Variants in EXD2 observed in about 807,000 individuals in gnomAD.
The protein encoded by EXD2 is exonuclease 3'-5' domain-containing protein 2.
Under a neutral mutation model 62.5 loss-of-function variants are expected in EXD2, and 40 were observed. The ratio of observed to expected loss-of-function variants is 0.64; its 90% CI spans 0.50 to 0.83. The LOEUF (loss-of-function observed/expected upper bound fraction) is 0.83. EXD2 is among the 40% of genes least tolerant of loss of function. The pLI, the probability that EXD2 is intolerant of heterozygous loss-of-function variation, is 0.00. For missense variants in EXD2, 671 were observed against 761.8 expected (o/e 0.88, Z 1.40); for synonymous variants, 239 against 291.9 (o/e 0.82, Z 1.85).
rs1192097749 is a variant in EXD2, at chr14:69,236,536, A to G, written c.1286A>G (p.Tyr429Cys). ...GTAGTGTGTGGCAAGAGAGACTCCT[A>G]CATTCGGTGAGTGCAGCATTGGGCC... ...LCVVCGKRDS[Y>C]IRKNVIPHEY... Residue 429 changes from tyrosine (Y) to cysteine (C), a missense_variant, in exon 8 of 10, where the codon TAC becomes TGC. By Grantham distance (194) the Tyr-to-Cys change is radical. Coordinates refer to ENST00000685843, the MANE Select transcript of EXD2 (RefSeq NM_001193360.2). The G allele has an allele frequency of 6.8e-6, 11 of 1,614,026 alleles. No individual in the cohort carries two copies. Among genetic ancestry groups the G allele is most frequent in the Admixed American group, 1.7e-5 (1 of 60,000 alleles).
At chr14:69,217,457 T>C (rs1471922068) in intron 3 of EXD2, among the ~76,000 whole-genome samples, 3 of 152,234 alleles carry the variant, frequency 2.0e-5, no homozygotes, top group African/African-American at 7.2e-5. Flanking sequence ...GGTTTAGCCA[T>C]GTTGTCACAA....
chr14:69,207,615 T>C lies in EXD2; in HGVS notation c.-47-1809T>C, dbSNP rs185432992. The stretch of plus-strand genomic sequence containing the variant: ...CAGGGTGCAGCTGATTGCTCTGTCT[T>C]TGGGCAATTTAGCTTTTAGGCCAGA... On this transcript the variant is annotated intron_variant, in intron 2 of 9. Transcript: ENST00000685843. Among the ~76,000 whole-genome samples, 229 of 152,354 alleles carry C rather than the reference T, an allele frequency of 1.5e-3. 1 individual carries two copies. The highest frequency in any genetic ancestry group is 3.4e-3 in the Middle Eastern group (1 of 294).
intron 1 of EXD2, among the ~76,000 whole-genome samples, chr14:69,202,306 G>A (rs565144223): frequency 2.0e-5 from 3 of 152,218 alleles, no homozygotes; most frequent in African/African-American, 7.2e-5. Flanking sequence ...GAACCCAAGA[G>A]GTCAAGGGTG....
At chr14:69,233,489 C>T (rs929902929) in intron 5 of EXD2, among the ~76,000 whole-genome samples, 3 of 151,818 alleles carry the variant, frequency 2.0e-5, no homozygotes, top group Non-Finnish European at 1.5e-5. Flanking sequence ...TGCAGTGGTG[C>T]GATCTCAGCT....
intron 2 of EXD2, among the ~76,000 whole-genome samples, chr14:69,204,319 G>A (rs1479316834): frequency 2.6e-5 from 4 of 152,112 alleles, no homozygotes; most frequent in Admixed American, 1.3e-4. Context: ...CCTATAACCC[G>A]AGCACTTTGG....
chr14:69,194,547 A>G (rs1017698829), intron 1 of EXD2, among the ~76,000 whole-genome samples: 3 of 151,784 alleles, frequency 2.0e-5, no homozygotes, highest in Non-Finnish European at 4.4e-5. Context: ...AGTTTTTGCT[A>G]TGTTGTTCAG....
rs1052189275 is a variant in EXD2 at position 69,243,852 on chromosome 14, T to A, written c.*2752T>A. On this transcript the variant is annotated 3_prime_UTR_variant, in exon 10 of 10. Coordinates refer to ENST00000685843, the MANE Select transcript of EXD2 (RefSeq NM_001193360.2). ...TCACAGCAAGGGCCTCTCTGCATGCTCCCTGATCATTGTGTTTGCAGGTTC... is the reference window on the plus strand; with the variant it reads ...TCACAGCAAGGGCCTCTCTGCATGCACCCTGATCATTGTGTTTGCAGGTTC... 2.0e-5 allele frequency: 3 copies of A among 152,206 alleles called. No individual in the cohort carries two copies. Among genetic ancestry groups the A allele is most frequent in the Non-Finnish European group, 1.5e-5 (1 of 68,044 alleles). The allele number at this position is 152,206 out of a possible 1,614,324, so 9.4% of individuals were successfully genotyped here.
chr14:69,200,999 G>A (rs1166819528), intron 1 of EXD2, among the ~76,000 whole-genome samples: 1 of 151,328 alleles, frequency 6.6e-6, no homozygotes, highest in African/African-American at 2.4e-5. Flanking sequence ...GCTTGAACTC[G>A]GGAGGCAGAA....
At chr14:69,234,182 A>C (rs2043688605) in intron 5 of EXD2, among the ~76,000 whole-genome samples, 1 of 152,184 alleles carries the variant, frequency 6.6e-6, no homozygotes, top group African/African-American at 2.4e-5. Flanking sequence ...TTTGAGGCCC[A>C]TGTTTGAAAC....
rs1333949865 is a variant in EXD2, at chr14:69,241,098, T to C, written c.1864T>C (p.Ter622ArgextTer1). ...GGAAGATCTTCCCATCCAGCTGTCT[T>C]GATAGCTGCTTTCCTCCCAGTTAGG... ...FGEDLPIQLS[*>R] Residue 622 changes from the stop codon to arginine, a stop_lost, in exon 10 of 10, where the codon TGA (stop) becomes CGA (arginine). Coordinates refer to ENST00000685843, the MANE Select transcript of EXD2 (RefSeq NM_001193360.2). The C allele has an allele frequency of 6.2e-7, 1 of 1,611,642 alleles. No homozygotes were observed. Among genetic ancestry groups the C allele is most frequent in the Non-Finnish European group, 8.5e-7 (1 of 1,179,728 alleles).
intron 2 of EXD2, among the ~76,000 whole-genome samples, chr14:69,206,475 T>C (rs1191949102): frequency 7.6e-6 from 1 of 130,748 alleles, no homozygotes; most frequent in African/African-American, 3.3e-5. Flanking sequence ...TTTTTTTTTT[T>C]TTTTTTTTTT....
At position 69,229,085 on chromosome 14, in the gene EXD2, T is replaced by C. The variant is rs763220505; in HGVS notation, c.590+13T>C. On this transcript the variant is annotated intron_variant, in intron 4 of 9. Coordinates refer to ENST00000685843, the MANE Select transcript of EXD2 (RefSeq NM_001193360.2). ...CCATGCGGCAGAGGTGTGGTTTGTA[T>C]GAATGCTGGGATTCCTATAGCTGCG... The C allele has an allele frequency of 6.2e-7, 1 of 1,612,418 alleles. No individual in the cohort carries two copies. The highest frequency in any genetic ancestry group is 1.1e-5 in the South Asian group (1 of 91,074).
intron 9 of EXD2, among the ~76,000 whole-genome samples, chr14:69,240,352 G>T (rs1408642788): frequency 6.6e-6 from 1 of 152,180 alleles, no homozygotes; most frequent in African/African-American, 2.4e-5. Context: ...ATTTCACTGT[G>T]ACCGAAACAC....
intron 3 of EXD2, among the ~76,000 whole-genome samples, chr14:69,223,852 T>C (rs1327216920): frequency 6.6e-6 from 1 of 152,152 alleles, no homozygotes; most frequent in East Asian, 1.9e-4. Context: ...ATTCTTGCCC[T>C]GCTATAAAGA....
In EXD2 at chr14:69,241,860, C is replaced by A. The variant is rs1278799291; in HGVS notation, c.*760C>A. 1.0e-5 allele frequency: 4 copies of A among 398,918 alleles called. No homozygotes were observed. The highest frequency in any genetic ancestry group is 1.8e-5 in the Non-Finnish European group (4 of 226,078). 24.7% of individuals were successfully genotyped at this position (398,918 alleles called of 1,614,324 possible). On this transcript the variant is annotated 3_prime_UTR_variant, in exon 10 of 10. Transcript: ENST00000685843. The stretch of plus-strand genomic sequence containing the variant: ...AATTCACTCAGCTTTTCCTTTCATG[C>A]TGTTTGTTGCCTGCTTGTTGCACTC...
Position 69,206,455 on chromosome 14 carries a change from C to CCTTTTTTTTTTTTT in EXD2, c.-48+2455_-48+2456insCTTTTTTTTTTTTT, listed in dbSNP as rs60787528. ...CCCAGCTTCATCTCCCACCCACCCA[C>CCTTTTTTTTTTTTT]TTTTTTTTTTTTTTTTTTTTTTTTT... On this transcript the variant is annotated intron_variant, in intron 2 of 9. Coordinates refer to ENST00000685843, the MANE Select transcript of EXD2 (RefSeq NM_001193360.2). 9.2e-3 allele frequency among the ~76,000 whole-genome samples: 874 copies of CCTTTTTTTTTTTTT among 94,630 alleles called. 266 individuals are homozygous for CCTTTTTTTTTTTTT. The highest frequency in any genetic ancestry group is 0.018 in the African/African-American group (408 of 22,174). 62.1% of individuals were successfully genotyped at this position (94,630 alleles called of 152,430 possible).
At chr14:69,232,671 G>T (rs1045008859) in intron 5 of EXD2, among the ~76,000 whole-genome samples, 1 of 152,154 alleles carries the variant, frequency 6.6e-6, no homozygotes, top group Non-Finnish European at 1.5e-5. Context: ...GTTCATGTGG[G>T]TATTGGCCAT....
chr14:69,229,000 G>A lies in EXD2; in HGVS notation c.518G>A (p.Ser173Asn). 1 of 1,614,252 alleles carries A rather than the reference G, an allele frequency of 6.2e-7. No individual in the cohort carries two copies. Reference protein sequence around the residue: ...KVGVGCSEDASKLLQDYGLVV... With the variant: ...KVGVGCSEDANKLLQDYGLVV... ...GGAGTGGGATGCTCAGAAGATGCCA[G>A]CAAGCTTCTGCAGGATTATGGCCTC... The change falls in exon 4 of 10, where the codon AGC becomes AAC. Residue 173 changes from serine to asparagine, a missense_variant. Transcript: ENST00000685843.
intron 3 of EXD2, among the ~76,000 whole-genome samples, chr14:69,213,537 A>ATTTTTTTTTTTTTT (rs746653694): frequency 1.3e-5 from 1 of 76,538 alleles, no homozygotes; most frequent in Non-Finnish European, 2.3e-5. Flanking sequence ...CACCTGGATA[A>ATTTTTTTTTTTTTT]TTTTTTTTTT....
Sources: gnomAD v4.1 joint callset for allele counts (sites outside exome capture counted in the v4.1 genomes callset) on GRCh38, gnomAD v4.1.1 for gene constraint, MANE v1.5 for transcripts, NCBI Gene and HGNC (gene_info 2026-07-23, HGNC 2026-07-21) for gene names.